RBM10: variants seen among roughly 807,000 people sequenced by gnomAD.
The protein encoded by RBM10 is RNA binding motif protein 10, also known as RNA-binding protein 10.
In RBM10, 1 loss-of-function variant was observed where a neutral mutation model predicts 84.9. The ratio of observed to expected loss-of-function variants is 0.01; its 90% CI spans 0.00 to 0.06. RBM10 has a LOEUF of 0.06. Among genes scored for constraint, RBM10 ranks in the 10% least tolerant of loss-of-function variants. The probability of loss-of-function intolerance (pLI) is 1.00; values close to 1 mark genes in which losing one functional copy is unlikely to be tolerated. For missense variants in RBM10, 438 were observed against 839.0 expected (o/e 0.52, Z 5.90); for synonymous variants, 326 against 344.5 (o/e 0.95, Z 0.60).
chrX:47,169,509 G>A lies in RBM10; in HGVS notation c.201+11G>A, dbSNP rs2147130002. On this transcript the variant is annotated intron_variant, in intron 3 of 23. Transcript: ENST00000377604. ...GAGCAGAGTGCGGAGGTGAGGAGGG[G>A]GCGCGCTGCGCCAGGCCTGGCTGGG... 8.3e-7 allele frequency: 1 copy of A among 1,199,339 alleles called. No individual in the cohort carries two copies. The highest frequency in any genetic ancestry group is 1.1e-6 in the Non-Finnish European group (1 of 889,327).
intron 2 of RBM10, chrX:47,157,395 G>A: frequency 6.2e-6 from 2 of 321,291 alleles, no homozygotes; most frequent in Non-Finnish European, 1.2e-5. Flanking sequence ...CATCTCGTGA[G>A]AGTTGGTGCC....
intron 12 of RBM10, among the ~76,000 whole-genome samples, chrX:47,180,714 G>C (rs971571171): frequency 3.6e-5 from 4 of 111,481 alleles, no homozygotes; most frequent in African/African-American, 1.3e-4. Context: ...CTTCCCAATT[G>C]CCTCCCATGC....
At position 47,145,419 on chromosome X, in the gene RBM10, T is replaced by C; in HGVS notation, c.-192T>C. On this transcript the variant is annotated 5_prime_UTR_variant, in exon 1 of 24. Transcript: ENST00000377604. ...TCCGGCTCCGGCTGAGCTGGGAGAGTTGGAGGAGGTGGCGGCGGGCAGAGG... is the reference window on the plus strand; with the variant it reads ...TCCGGCTCCGGCTGAGCTGGGAGAGCTGGAGGAGGTGGCGGCGGGCAGAGG... The C allele has an allele frequency of 1.7e-6, 2 of 1,146,111 alleles. No homozygotes were observed. The highest frequency in any genetic ancestry group is 2.3e-6 in the Non-Finnish European group (2 of 866,273). The allele number at this position is 1,146,111 out of a possible 1,213,427, so 94.5% of individuals were successfully genotyped here.
chrX:47,168,729 G>A (rs781948480), intron 2 of RBM10, among the ~76,000 whole-genome samples: 4 of 111,328 alleles, frequency 3.6e-5, no homozygotes, highest in Admixed American at 1.9e-4. Context: ...CCTGCAAGCC[G>A]AATGAGACCT....
rs976872066 is a variant in RBM10 at position 47,169,179 on chromosome X, A to T, written c.18-136A>T. On this transcript the variant is annotated intron_variant, in intron 2 of 23. Coordinates refer to ENST00000377604, the MANE Select transcript of RBM10 (RefSeq NM_005676.5). ...ATCATGTACTTCTTTCTCTGATAGG[A>T]TCAGAAGGGCACCTCACTTCTGTTG... is the stretch of plus-strand genomic sequence containing the variant. 8.9e-5 allele frequency: 45 copies of T among 506,665 alleles called. No individual in the cohort carries two copies. In the East Asian group the frequency reaches 1.6e-3, roughly 18 times the overall value. The allele number at this position is 506,665 out of a possible 1,213,427, so 41.8% of individuals were successfully genotyped here.
chrX:47,181,400 A>C lies in RBM10; in HGVS notation c.1434A>C (p.Ala478=). 8.3e-7 allele frequency: 1 copy of C among 1,208,258 alleles called. No homozygotes were observed. Among genetic ancestry groups the C allele is most frequent in the East Asian group, 3.0e-5 (1 of 33,686 alleles). ...GAACCAAAGGGGATCCCACTGGAGCAGGTGAGCCCCAGCATCTCTCTCTGC... is the reference window on the plus strand; with the variant it reads ...GAACCAAAGGGGATCCCACTGGAGCCGGTGAGCCCCAGCATCTCTCTCTGC... The part of the protein sequence containing the change: ...ITGTKGDPTG[A]GPEASLEPGA... The change falls in exon 13 of 24, where the codon GCA becomes GCC. Residue 478 remains alanine (A), a splice_region_variant and synonymous_variant. Transcript: ENST00000377604.
intron 2 of RBM10, chrX:47,157,007 G>A (rs1290302230): frequency 3.5e-6 from 1 of 285,314 alleles, no homozygotes; most frequent in Non-Finnish European, 6.8e-6. Flanking sequence ...TGTCGATGAC[G>A]GCATGCTGCC....
rs782437509 is a variant in RBM10 at position 47,176,493 on chromosome X, C to T, written c.577-7C>T. On this transcript the variant is annotated splice_region_variant and splice_polypyrimidine_tract_variant and intron_variant, in intron 6 of 23. Coordinates refer to ENST00000377604, the MANE Select transcript of RBM10 (RefSeq NM_005676.5). ...TGGACCTCACTGTGCTCTGCTTTTTCCCGCAGCACTCCCTCAACATCCTGG... is the reference window on the plus strand; with the variant it reads ...TGGACCTCACTGTGCTCTGCTTTTTTCCGCAGCACTCCCTCAACATCCTGG... 1.7e-6 allele frequency: 2 copies of T among 1,209,270 alleles called. No homozygotes were observed. Among genetic ancestry groups the T allele is most frequent in the East Asian group, 5.9e-5 (2 of 33,740 alleles).
At chrX:47,172,539 C>T (rs1420456198) in intron 4 of RBM10, among the ~76,000 whole-genome samples, 1 of 112,359 alleles carries the variant, frequency 8.9e-6, no homozygotes, top group Non-Finnish European at 1.9e-5. Flanking sequence ...CCTACTCCAT[C>T]TGGGAAGCAA....
intron 1 of RBM10, 89 bp downstream of exon 1, chrX:47,145,574 G>C: frequency 1.0e-6 from 1 of 971,001 alleles, no homozygotes; most frequent in Non-Finnish European, 1.4e-6. Context: ...CGGGTCGGGG[G>C]AGATGCGCGG....
rs1556782679 is a variant in RBM10 at position 47,186,399 on chromosome X, G to A, written c.2667+12G>A. 8.4e-7 allele frequency: 1 copy of A among 1,194,631 alleles called. No individual in the cohort carries two copies. The highest frequency in any genetic ancestry group is 1.1e-6 in the Non-Finnish European group (1 of 886,494). On this transcript the variant is annotated intron_variant, in intron 23 of 23. Transcript: ENST00000377604. Reference sequence around the variant, plus strand: ...TAACGCCTATCGAGGTGAGTCTCAGGCAGTCCTGTCCCATCCCCCAGCACC... The same window carrying A: ...TAACGCCTATCGAGGTGAGTCTCAGACAGTCCTGTCCCATCCCCCAGCACC...
chrX:47,169,546 A>C (rs1368483218), intron 3 of RBM10, 48 bp downstream of exon 3: 1 of 1,138,492 alleles, frequency 8.8e-7, no homozygotes, highest in African/African-American at 1.8e-5. Flanking sequence ...TGGGCTCCCA[A>C]GGGCCCTCTG....
At chrX:47,158,209 C>T (rs912839218) in intron 2 of RBM10, 8 of 207,366 alleles carry the variant, frequency 3.9e-5, no homozygotes, top group African/African-American at 6.1e-5. Flanking sequence ...TCTTCCTCCT[C>T]GGGCAAGGAG....
chrX:47,163,991 C>T (rs959990512), intron 2 of RBM10, among the ~76,000 whole-genome samples: 1 of 107,110 alleles, frequency 9.3e-6, no homozygotes. Context: ...GCCTCAGCCT[C>T]CTGAGTAGCT....
intron 2 of RBM10, among the ~76,000 whole-genome samples, chrX:47,163,685 A>G (rs1933906933): frequency 9.2e-6 from 1 of 109,145 alleles, no homozygotes; most frequent in Non-Finnish European, 1.9e-5. Context: ...GGTAACAACA[A>G]CAAAAGATTA....
chrX:47,160,587 T>TAA (rs59952208), intron 2 of RBM10, among the ~76,000 whole-genome samples: 13 of 99,910 alleles, frequency 1.3e-4, no homozygotes, highest in South Asian at 4.3e-4. Context: ...TATTAAAAAG[T>TAA]AAAAAAAAAA....
At chrX:47,172,019 T>G (rs1474393106) in intron 4 of RBM10, among the ~76,000 whole-genome samples, 1 of 112,633 alleles carries the variant, frequency 8.9e-6, no homozygotes, top group East Asian at 2.8e-4. Context: ...ACCTGCCCTG[T>G]TCAGGGTCAG....
chrX:47,169,849 G>A (rs1464768971), intron 3 of RBM10, among the ~76,000 whole-genome samples: 1 of 112,168 alleles, frequency 8.9e-6, no homozygotes. Context: ...CATGGGACCC[G>A]GCGTCTGGGG....
chrX:47,178,438 G>GC (rs1935301438), intron 7 of RBM10, among the ~76,000 whole-genome samples: 1 of 111,374 alleles, frequency 9.0e-6, no homozygotes, highest in Non-Finnish European at 1.9e-5. Flanking sequence ...CCGAGCCCCT[G>GC]CTGGATGGTC....
Sources: gnomAD v4.1 joint callset for allele counts (sites outside exome capture counted in the v4.1 genomes callset) on GRCh38, gnomAD v4.1.1 for gene constraint, MANE v1.5 for transcripts, NCBI Gene and HGNC (gene_info 2026-07-23, HGNC 2026-07-21) for gene names.